Variants in CDC14B observed in about 807,000 individuals in gnomAD.
CDC14B encodes the protein cell division cycle 14B.
Under a neutral mutation model 64.2 loss-of-function variants are expected in CDC14B, and 22 were observed. That is an observed-to-expected ratio of 0.34 (90% confidence interval 0.24 to 0.49). The LOEUF is 0.49. CDC14B is among the 20% of genes least tolerant of loss of function. The pLI is 0.99. For missense variants in CDC14B, 498 were observed against 629.9 expected, an observed-to-expected ratio of 0.79 and a Z score of 2.24; for synonymous variants, 191 against 215.8, an observed-to-expected ratio of 0.89 and a Z score of 1.01.
chr9:96,555,193 C>T (rs1842341695), intron 4 of CDC14B, among the ~76,000 whole-genome samples: 1 of 152,098 alleles, frequency 6.6e-6, no homozygotes, highest in Admixed American at 6.6e-5. Context: ...CCCTGTGTAA[C>T]GAACAGGATA....
intron 4 of CDC14B, among the ~76,000 whole-genome samples, chr9:96,560,374 C>A (rs1254277099): frequency 6.6e-6 from 1 of 152,136 alleles, no homozygotes; most frequent in Non-Finnish European, 1.5e-5. Context: ...CACCAAGGAC[C>A]ATTTCTCCAG....
At chr9:96,603,931 C>A (rs1211412121) in intron 1 of CDC14B, among the ~76,000 whole-genome samples, 1 of 152,206 alleles carries the variant, frequency 6.6e-6, no homozygotes, top group African/African-American at 2.4e-5. Flanking sequence ...ACAATTAAAC[C>A]AGTAGATCCA....
rs1847837596 is a variant in CDC14B, at chr9:96,619,333, G to A, written c.46C>T (p.Pro16Ser). ...ERRSSWAAAP[P>S]CSRRCSSTSP... is the part of the protein sequence containing the mutation. Reference sequence around the variant, plus strand: ...GTCGACGAGCAGCGCCGCGAGCAGGGGGGCGCGGCGGCCCAGCTCGACCGC... The same window carrying A: ...GTCGACGAGCAGCGCCGCGAGCAGGAGGGCGCGGCGGCCCAGCTCGACCGC... Residue 16 changes from proline (P) to serine (S), a missense_variant, in exon 1 of 14, where the codon CCC becomes TCC. Coordinates refer to ENST00000375241, the MANE Select transcript of CDC14B (RefSeq NM_033331.4). The A allele has an allele frequency of 1.6e-6, 2 of 1,276,276 alleles. No homozygotes were observed. The allele number at this position is 1,276,276 out of a possible 1,614,324, so 79.1% of individuals were successfully genotyped here. A position where few individuals can be genotyped will look rare whatever the true frequency, so the allele number is the denominator to read the frequency against.
downstream of CDC14B, among the ~76,000 whole-genome samples, chr9:96,499,399 C>T (rs1469058598): frequency 6.6e-6 from 1 of 152,176 alleles, no homozygotes; most frequent in East Asian, 1.9e-4. Context: ...AGAGGCAAGG[C>T]AGGTAGAAAG....
At position 96,551,863 on chromosome 9, in the gene CDC14B, A is replaced by T. The variant is rs768149365; in HGVS notation, c.430T>A (p.Leu144Met). Residue 144 changes from leucine (L) to methionine (M), a missense_variant, in exon 5 of 14, where the codon TTG becomes ATG. Physicochemically the swap from Leu to Met is conservative, Grantham distance 15. Coordinates refer to ENST00000375241, the MANE Select transcript of CDC14B (RefSeq NM_033331.4). ...FLVGCYMVIY[L>M]GRTPEEAYRI... The stretch of plus-strand genomic sequence containing the variant: ...TATGCTTCTTCTGGGGTTCTCCCCA[A>T]ATATATAACCTATGTTTGAAAAAAG... 4.2e-5 allele frequency: 67 copies of T among 1,608,676 alleles called. No homozygotes were observed. Among genetic ancestry groups the T allele is most frequent in the Non-Finnish European group, 5.7e-5 (67 of 1,177,558 alleles).
At position 96,500,673 on chromosome 9, in the gene CDC14B, TA is replaced by T. The variant is rs1444883565; in HGVS notation, c.*3079del. Reference sequence around the variant, plus strand: ...GGCAGTTTCAGCGGGAGAGAACATTTAAAGGAACAATAAAATAGGTTTTAAA... The same window carrying T: ...GGCAGTTTCAGCGGGAGAGAACATTTAAGGAACAATAAAATAGGTTTTAAA... On this transcript the variant is annotated 3_prime_UTR_variant, in exon 14 of 14. Transcript: ENST00000375241. 6.6e-6 allele frequency: 1 copy of T among 152,610 alleles called. No homozygotes were observed. Among genetic ancestry groups the T allele is most frequent in the Admixed American group, 6.5e-5 (1 of 15,274 alleles). The allele number at this position is 152,610 out of a possible 1,614,324, so 9.5% of individuals were successfully genotyped here.
intron 1 of CDC14B, among the ~76,000 whole-genome samples, chr9:96,603,625 C>A (rs968660170): frequency 6.6e-6 from 1 of 152,210 alleles, no homozygotes; most frequent in Non-Finnish European, 1.5e-5. Context: ...TATTAAGCTT[C>A]CAACGTCAAG....
At chr9:96,600,823 T>C (rs1239251160) in intron 1 of CDC14B, among the ~76,000 whole-genome samples, 2 of 152,108 alleles carry the variant, frequency 1.3e-5, no homozygotes, top group Non-Finnish European at 2.9e-5. Context: ...GTTTATAACC[T>C]ATAAACTATA....
intron 1 of CDC14B, among the ~76,000 whole-genome samples, chr9:96,595,582 C>A (rs936095562): frequency 6.6e-6 from 1 of 152,182 alleles, no homozygotes; most frequent in African/African-American, 2.4e-5. Flanking sequence ...TGTGCATCAA[C>A]TGGTAAACAA....
downstream of CDC14B, among the ~76,000 whole-genome samples, chr9:96,499,515 CTGACT>C (rs1833389909): frequency 6.6e-6 from 1 of 152,208 alleles, no homozygotes; most frequent in African/African-American, 2.4e-5. Context: ...AAGAGCCTGA[CTGACT>C]TAAGTCTTAT....
chr9:96,517,831 G>GTTTTTTTTTTTTTTT (rs893654975), intron 12 of CDC14B, among the ~76,000 whole-genome samples: 12 of 143,760 alleles, frequency 8.3e-5, no homozygotes, highest in African/African-American at 3.0e-4. Context: ...ACCATGCCCA[G>GTTTTTTTTTTTTTTT]TTTTTTTTTT....
At chr9:96,537,867 C>T (rs1839506307) in intron 7 of CDC14B, among the ~76,000 whole-genome samples, 1 of 151,996 alleles carries the variant, frequency 6.6e-6, no homozygotes, top group South Asian at 2.1e-4. Context: ...GGACTACAGG[C>T]GCCCACCACC....
chr9:96,567,923 G>A (rs781421167), intron 1 of CDC14B, among the ~76,000 whole-genome samples: 10 of 151,920 alleles, frequency 6.6e-5, no homozygotes, highest in African/African-American at 7.3e-5. Flanking sequence ...AACATCTCAC[G>A]TACCCCATAA....
intron 9 of CDC14B, 129 bp downstream of exon 9, chr9:96,533,798 G>C: frequency 1.8e-6 from 1 of 560,382 alleles, no homozygotes; most frequent in Non-Finnish European, 3.1e-6. Context: ...TGAAATCAAA[G>C]GTTTCACGGC....
intron 5 of CDC14B, among the ~76,000 whole-genome samples, chr9:96,546,461 G>C (rs907625365): frequency 2.1e-4 from 31 of 149,180 alleles, no homozygotes; most frequent in African/African-American, 6.9e-4. Flanking sequence ...TGCGGGGAGT[G>C]GGGTGGGGAC....
At chr9:96,526,776 T>C (rs919019712) in intron 9 of CDC14B, among the ~76,000 whole-genome samples, 1 of 152,146 alleles carries the variant, frequency 6.6e-6, no homozygotes, top group African/African-American at 2.4e-5. Context: ...TGAGGAGCTG[T>C]CCTGTGCGCT....
intron 4 of CDC14B, among the ~76,000 whole-genome samples, chr9:96,559,461 T>C (rs760228472): frequency 1.3e-5 from 2 of 152,246 alleles, no homozygotes; most frequent in African/African-American, 4.8e-5. Context: ...GATCAGTTTA[T>C]AGGGAACTAG....
intron 1 of CDC14B, chr9:96,566,846 A>G: frequency 2.5e-6 from 4 of 1,594,226 alleles, no homozygotes; most frequent in Non-Finnish European, 3.4e-6. Context: ...GGCGGGGCAG[A>G]GGCAAGGACT....
At chr9:96,571,328 AC>A (rs758606088) in intron 1 of CDC14B, among the ~76,000 whole-genome samples, 1 of 151,968 alleles carries the variant, frequency 6.6e-6, no homozygotes, top group African/African-American at 2.4e-5. Flanking sequence ...GGCGTGTGCC[AC>A]CACACCTGGC....
Sources: gnomAD v4.1 joint callset for allele counts (sites outside exome capture counted in the v4.1 genomes callset) on GRCh38, gnomAD v4.1.1 for gene constraint, MANE v1.5 for transcripts, NCBI Gene and HGNC (gene_info 2026-07-23, HGNC 2026-07-21) for gene names.